The following EFHD2 variants were observed in gnomAD, a reference collection of about 807,000 sequenced individuals.
The protein encoded by EFHD2 is EF-hand domain-containing protein D2.
EFHD2 carries 12 observed loss-of-function variants against 20.3 expected under a neutral mutation model. The ratio of observed to expected loss-of-function variants is 0.59; its 90% CI spans 0.38 to 0.96. The LOEUF is 0.96. Among genes scored for constraint, EFHD2 ranks in the 40% least tolerant of loss-of-function variants. The pLI, the probability that EFHD2 is intolerant of heterozygous loss-of-function variation, is 0.00. For missense variants in EFHD2, 250 were observed against 334.3 expected (o/e 0.75, Z 1.97); for synonymous variants, 131 against 143.9 (o/e 0.91, Z 0.64).
chr1:15,417,776 G>A (rs1384155581), intron 1 of EFHD2, among the ~76,000 whole-genome samples: 1 of 152,144 alleles, frequency 6.6e-6, no homozygotes, highest in African/African-American at 2.4e-5. Context: ...CACCCACCCT[G>A]TCCAATTGTC....
At chr1:15,415,109 G>T (rs76010606) in intron 1 of EFHD2, among the ~76,000 whole-genome samples, 4 of 152,168 alleles carry the variant, frequency 2.6e-5, no homozygotes, top group Non-Finnish European at 5.9e-5. Flanking sequence ...CAAGGTTCTC[G>T]TATGTGATCA....
intron 1 of EFHD2, among the ~76,000 whole-genome samples, chr1:15,424,292 T>C (rs1337017749): frequency 6.6e-6 from 1 of 152,068 alleles, no homozygotes; most frequent in Non-Finnish European, 1.5e-5. Context: ...GGCAGGTGTT[T>C]GGTTGATAAG....
chr1:15,423,549 CCT>C (rs1178358336), intron 1 of EFHD2, among the ~76,000 whole-genome samples: 1 of 152,188 alleles, frequency 6.6e-6, no homozygotes, highest in Admixed American at 6.5e-5. Context: ...AAGCCCAGCT[CCT>C]TCCTTACTGC....
At chr1:15,427,415 G>C in intron 3 of EFHD2, 131 bp downstream of exon 3, 1 of 1,448,250 alleles carries the variant, frequency 6.9e-7, no homozygotes, top group African/African-American at 1.4e-5. Context: ...TCCCTGCCAG[G>C]CTGGGCCAGG....
At chr1:15,424,832 G>T (rs1022231144) in intron 1 of EFHD2, among the ~76,000 whole-genome samples, 1 of 152,180 alleles carries the variant, frequency 6.6e-6, no homozygotes, top group Non-Finnish European at 1.5e-5. Flanking sequence ...CAGTACAGAG[G>T]GTGCTGAGTA....
At chr1:15,410,648 T>C (rs1199039455) in intron 1 of EFHD2, among the ~76,000 whole-genome samples, 1 of 151,522 alleles carries the variant, frequency 6.6e-6, no homozygotes, top group Non-Finnish European at 1.5e-5. Context: ...TCCGCGCTGT[T>C]AGTGGGGCTT....
Position 15,425,825 on chromosome 1 carries a change from TCTGA to T in EFHD2, c.309-41_309-38del, listed in dbSNP as rs778154516. Reference sequence around the variant, plus strand: ...TCCTTGCACTCAAGCCTGCGGCCTCTCTGACTGAGCCAGTGCCAAGATGTCCTCT... The same window carrying T: ...TCCTTGCACTCAAGCCTGCGGCCTCTCTGAGCCAGTGCCAAGATGTCCTCT... On this transcript the variant is annotated intron_variant, in intron 1 of 3. Transcript: ENST00000375980. 1.4e-5 allele frequency: 23 copies of T among 1,586,266 alleles called. No individual in the cohort carries two copies. In the African/African-American group the frequency reaches 2.1e-4, roughly 14 times the overall value.
rs1002040556 is a variant in EFHD2, at chr1:15,426,659, G to A, written c.457-491G>A. 6.8e-4 allele frequency among the ~76,000 whole-genome samples: 104 copies of A among 152,228 alleles called. No homozygotes were observed. Among genetic ancestry groups the A allele is most frequent in the African/African-American group, 2.5e-3 (102 of 41,530 alleles). ...AGGTGGCAGGGGCAGGTGGGGGAGT[G>A]CGAGTGGCTGGGCGGGAGGTGTGGG... is the stretch of plus-strand genomic sequence containing the variant. On this transcript the variant is annotated intron_variant, in intron 2 of 3. Coordinates refer to ENST00000375980, the MANE Select transcript of EFHD2 (RefSeq NM_024329.6). The surrounding 1 kb of genome is among the most constrained non-coding windows in gnomAD (Gnocchi z 4.6).
intron 1 of EFHD2, among the ~76,000 whole-genome samples, chr1:15,412,154 C>T (rs1282197208): frequency 1.3e-5 from 2 of 151,880 alleles, no homozygotes; most frequent in Non-Finnish European, 2.9e-5. Context: ...AAGTTTCTTC[C>T]CAGCAGAAGA....
Position 15,409,891 on chromosome 1 carries a change from T to C in EFHD2, c.-81T>C. The C allele has an allele frequency of 8.5e-7, 1 of 1,172,234 alleles. No individual in the cohort carries two copies. Among genetic ancestry groups the C allele is most frequent in the Non-Finnish European group, 1.1e-6 (1 of 949,418 alleles). The allele number at this position is 1,172,234 out of a possible 1,614,324, so 72.6% of individuals were successfully genotyped here. On this transcript the variant is annotated 5_prime_UTR_variant, in exon 1 of 4. Transcript: ENST00000375980. ...CGGGGGCGGTGCCTGGCCCGGGGAGTGTCAGGAAGAGGAAGAGCGCGGCCG... is the reference window on the plus strand; with the variant it reads ...CGGGGGCGGTGCCTGGCCCGGGGAGCGTCAGGAAGAGGAAGAGCGCGGCCG...
At chr1:15,410,559 G>A (rs548811917) in intron 1 of EFHD2, among the ~76,000 whole-genome samples, 4 of 152,244 alleles carry the variant, frequency 2.6e-5, no homozygotes, top group Non-Finnish European at 2.9e-5. Flanking sequence ...ACAGAGTGGG[G>A]GACCCCAGGC....
intron 1 of EFHD2, among the ~76,000 whole-genome samples, chr1:15,422,059 A>T (rs113605558): frequency 6.7e-6 from 1 of 148,990 alleles, no homozygotes; most frequent in East Asian, 2.0e-4. Flanking sequence ...CCTCAGCTCC[A>T]CTGGCACTTG....
Position 15,412,526 on chromosome 1 carries a change from A to T in EFHD2, c.308+2247A>T, listed in dbSNP as rs558362359. ...TTTCCCATCACAGACATCTACTTTC[A>T]TGTTGGAAAACCTTCTCCAACACCC... is the stretch of plus-strand genomic sequence containing the variant. On this transcript the variant is annotated intron_variant, in intron 1 of 3. Transcript: ENST00000375980. Among the ~76,000 whole-genome samples the T allele has an allele frequency of 1.2e-4, 19 of 152,284 alleles. 1 individual carries two copies. Among genetic ancestry groups the T allele is most frequent in the South Asian group, 6.2e-4 (3 of 4,824 alleles).
chr1:15,428,280 G>C (rs1249134567), intron 3 of EFHD2, among the ~76,000 whole-genome samples: 1 of 152,106 alleles, frequency 6.6e-6, no homozygotes, highest in East Asian at 1.9e-4. Context: ...ATCACCTGAG[G>C]TCAGGAGTTC....
chr1:15,427,585 C>A (rs182765107), intron 3 of EFHD2, among the ~76,000 whole-genome samples: 34 of 152,326 alleles, frequency 2.2e-4, no homozygotes, highest in Non-Finnish European at 4.3e-4. Context: ...AGGACTGGGC[C>A]TTAGGAGGGC....
intron 1 of EFHD2, among the ~76,000 whole-genome samples, chr1:15,414,105 C>T (rs1437035718): frequency 6.6e-6 from 1 of 152,222 alleles, no homozygotes; most frequent in Non-Finnish European, 1.5e-5. Flanking sequence ...AGGTAGGCAG[C>T]CGTGTAATTC....
chr1:15,412,517 T>C (rs1287538302), intron 1 of EFHD2, among the ~76,000 whole-genome samples: 2 of 152,184 alleles, frequency 1.3e-5, no homozygotes, highest in Non-Finnish European at 2.9e-5. Flanking sequence ...ATCACAGACA[T>C]CTACTTTCAT....
intron 1 of EFHD2, among the ~76,000 whole-genome samples, chr1:15,418,868 C>T (rs1458283505): frequency 6.6e-6 from 1 of 152,218 alleles, no homozygotes; most frequent in Non-Finnish European, 1.5e-5. Context: ...ACACCCTTGT[C>T]ACCTATGACC....
chr1:15,416,754 G>C (rs1425633059), intron 1 of EFHD2, among the ~76,000 whole-genome samples: 1 of 150,900 alleles, frequency 6.6e-6, no homozygotes, highest in Non-Finnish European at 1.5e-5. Flanking sequence ...CACCGCCCGG[G>C]AGTATGTTAG....
Sources: gnomAD v4.1 joint callset for allele counts (sites outside exome capture counted in the v4.1 genomes callset) on GRCh38, gnomAD v4.1.1 for gene constraint, Gnocchi (gnomAD v3.1) non-coding constraint, MANE v1.5 for transcripts, NCBI Gene and HGNC (gene_info 2026-07-23, HGNC 2026-07-21) for gene names.